Variants in GALNTL6 observed in about 807,000 individuals in gnomAD.
GALNTL6 encodes polypeptide N-acetylgalactosaminyltransferase-like 6.
A neutral mutation model predicts 73.7 loss-of-function variants in GALNTL6; 46 were observed. The observed-to-expected ratio is 0.62, with a 90% CI of 0.49 to 0.80. GALNTL6 has a LOEUF of 0.80. Ranked by LOEUF, GALNTL6 falls within the 30% of genes least tolerant of loss-of-function variation. The pLI, the probability that GALNTL6 is intolerant of heterozygous loss-of-function variation, is 0.00. For missense variants in GALNTL6, 604 were observed against 755.0 expected (o/e 0.80, Z 2.34); for synonymous variants, 259 against 263.7 (o/e 0.98, Z 0.17).
intron 2 of GALNTL6, among the ~76,000 whole-genome samples, chr4:172,020,740 T>A (rs1249347962): frequency 6.6e-6 from 1 of 151,982 alleles, no homozygotes; most frequent in Non-Finnish European, 1.5e-5. Flanking sequence ...TTTACAGAAC[T>A]AATACCAATC....
chr4:172,986,829 T>G (rs1443502849), intron 10 of GALNTL6, among the ~76,000 whole-genome samples: 1 of 152,220 alleles, frequency 6.6e-6, no homozygotes, highest in Non-Finnish European at 1.5e-5. Flanking sequence ...GACACATTTT[T>G]CTTGACTGTA....
intron 11 of GALNTL6, among the ~76,000 whole-genome samples, chr4:173,017,642 T>C (rs1752836498): frequency 6.6e-6 from 1 of 152,194 alleles, no homozygotes; most frequent in African/African-American, 2.4e-5. Context: ...AATCTGAAGA[T>C]GTATCACCTT....
intron 4 of GALNTL6, 43 bp downstream of exon 4, chr4:172,311,795 T>C: frequency 7.2e-7 from 1 of 1,392,010 alleles, no homozygotes; most frequent in Non-Finnish European, 9.5e-7. Flanking sequence ...TTTTTTTGGT[T>C]TTTTTTGTCC....
At chr4:171,975,507 C>T (rs934549623) in intron 2 of GALNTL6, among the ~76,000 whole-genome samples, 2 of 147,602 alleles carry the variant, frequency 1.4e-5, no homozygotes, top group African/African-American at 5.3e-5. Context: ...ATGGTGAATC[C>T]TTGTCTTGAA....
At chr4:172,601,422 G>A (rs532732744) in intron 5 of GALNTL6, among the ~76,000 whole-genome samples, 1 of 152,236 alleles carries the variant, frequency 6.6e-6, no homozygotes, top group Non-Finnish European at 1.5e-5. Flanking sequence ...TCCTGCTGCA[G>A]TAAGTGCTTG....
At chr4:171,904,072 T>C (rs1737194229) in intron 2 of GALNTL6, among the ~76,000 whole-genome samples, 1 of 152,108 alleles carries the variant, frequency 6.6e-6, no homozygotes, top group South Asian at 2.1e-4. Context: ...CTGGAAACTC[T>C]AAAAAGCAGA....
intron 2 of GALNTL6, among the ~76,000 whole-genome samples, chr4:171,877,786 A>G (rs1206474561): frequency 6.6e-6 from 1 of 152,240 alleles, no homozygotes; most frequent in Non-Finnish European, 1.5e-5. Context: ...GTCAGGCAGA[A>G]CTAATTTTAA....
chr4:173,037,336 C>T (rs1031955655), intron 12 of GALNTL6, among the ~76,000 whole-genome samples: 3 of 152,198 alleles, frequency 2.0e-5, no homozygotes, highest in Admixed American at 6.5e-5. Flanking sequence ...ATCCCCCCCA[C>T]CTCATTTTAC....
intron 2 of GALNTL6, among the ~76,000 whole-genome samples, chr4:171,854,196 C>G (rs940265673): frequency 2.2e-4 from 34 of 152,174 alleles, no homozygotes; most frequent in African/African-American, 8.2e-4. Flanking sequence ...TGTTCATGTC[C>G]TTCCCAGATA....
intron 5 of GALNTL6, among the ~76,000 whole-genome samples, chr4:172,706,246 C>T (rs777158733): frequency 6.6e-6 from 1 of 151,940 alleles, no homozygotes. Context: ...TGTTGAGACC[C>T]TCTAATGTAT....
intron 5 of GALNTL6, among the ~76,000 whole-genome samples, chr4:172,602,965 G>A (rs1310031808): frequency 6.6e-6 from 1 of 152,148 alleles, no homozygotes; most frequent in African/African-American, 2.4e-5. Flanking sequence ...ATTGTGCTGA[G>A]CAAAAGGAGT....
At position 172,509,730 on chromosome 4, in the gene GALNTL6, T is replaced by A. The variant is rs1280421454; in HGVS notation, c.553+161041T>A. 3.6e-5 allele frequency among the ~76,000 whole-genome samples: 2 copies of A among 55,136 alleles called. 1 individual carries two copies. The highest frequency in any genetic ancestry group is 5.1e-4 in the Admixed American group (2 of 3,904). 36.2% of individuals were successfully genotyped at this position (55,136 alleles called of 152,430 possible). On this transcript the variant is annotated intron_variant, in intron 5 of 12. Coordinates refer to ENST00000506823, the MANE Select transcript of GALNTL6 (RefSeq NM_001034845.3). ...TTCTGCACTTAATGTTTTTATTTGC[T>A]TTGTCACAAATCAATTGGCTGTAAG...
At chr4:172,298,432 G>A (rs6830194) in intron 3 of GALNTL6, among the ~76,000 whole-genome samples, 151,320 of 152,332 alleles carry the variant, frequency 0.99, 75,170 homozygotes, top group Middle Eastern at 1. Context: ...GTCTTGTGCC[G>A]GTATTCAAAA....
chr4:172,709,390 C>G (rs1351512211), intron 5 of GALNTL6, among the ~76,000 whole-genome samples: 1 of 152,174 alleles, frequency 6.6e-6, no homozygotes, highest in Non-Finnish European at 1.5e-5. Flanking sequence ...TATGGTGCAT[C>G]CTGTAGTTCA....
At chr4:172,912,522 T>A (rs543416471) in intron 8 of GALNTL6, among the ~76,000 whole-genome samples, 1 of 152,316 alleles carries the variant, frequency 6.6e-6, no homozygotes, top group South Asian at 2.1e-4. Flanking sequence ...ACCCTAATAC[T>A]GCGCTTTTCC....
chr4:172,884,916 A>G (rs1745641786), intron 8 of GALNTL6, among the ~76,000 whole-genome samples: 1 of 152,124 alleles, frequency 6.6e-6, no homozygotes, highest in African/African-American at 2.4e-5. Context: ...CCTTTTTGTC[A>G]AGAATGAGTT....
intron 5 of GALNTL6, among the ~76,000 whole-genome samples, chr4:172,790,151 T>C (rs1739913658): frequency 6.6e-6 from 1 of 152,236 alleles, no homozygotes; most frequent in African/African-American, 2.4e-5. Context: ...CCAGGGCGTC[T>C]GCAGAAAAAG....
chr4:171,973,777 A>G (rs1739638935), intron 2 of GALNTL6, among the ~76,000 whole-genome samples: 1 of 152,122 alleles, frequency 6.6e-6, no homozygotes, highest in Admixed American at 6.6e-5. Context: ...AGTAAATAAT[A>G]ATTATTGTTA....
intron 5 of GALNTL6, among the ~76,000 whole-genome samples, chr4:172,367,350 G>C (rs996943705): frequency 5.3e-5 from 8 of 152,082 alleles, no homozygotes; most frequent in African/African-American, 1.9e-4. Flanking sequence ...TGATTAACTT[G>C]AGTCTTTTGC....
Sources: gnomAD v4.1 joint callset for allele counts (sites outside exome capture counted in the v4.1 genomes callset) on GRCh38, gnomAD v4.1.1 for gene constraint, MANE v1.5 for transcripts, NCBI Gene and HGNC (gene_info 2026-07-23, HGNC 2026-07-21) for gene names.